Variants in SLC25A17 observed in about 807,000 individuals in gnomAD.
SLC25A17 encodes the protein peroxisomal membrane protein PMP34.
Under a neutral mutation model 38.5 loss-of-function variants are expected in SLC25A17, and 26 were observed. The ratio of observed to expected loss-of-function variants is 0.68; its 90% CI spans 0.50 to 0.94. The LOEUF (loss-of-function observed/expected upper bound fraction) is 0.94. SLC25A17 is among the 40% of genes least tolerant of loss of function. The pLI, the probability that SLC25A17 is intolerant of heterozygous loss-of-function variation, is 0.00. For synonymous variants in SLC25A17, 139 were observed against 136.2 expected, an observed-to-expected ratio of 1.02 and a Z score of -0.14; for missense variants, 333 against 372.7, an observed-to-expected ratio of 0.89 and a Z score of 0.88.
chr22:40,816,082 G>A (rs1161602080), intron 1 of SLC25A17, among the ~76,000 whole-genome samples: 7 of 151,894 alleles, frequency 4.6e-5, no homozygotes, highest in Admixed American at 1.3e-4. Context: ...GCCACTCGGC[G>A]AGAGGCTGAG....
At chr22:40,798,946 A>T in intron 2 of SLC25A17, 77 bp downstream of exon 2, 1 of 912,414 alleles carries the variant, frequency 1.1e-6, no homozygotes, top group Non-Finnish European at 1.6e-6. Flanking sequence ...TCCGTCTCAA[A>T]AAAAAAAAAA....
intron 1 of SLC25A17, among the ~76,000 whole-genome samples, chr22:40,799,963 T>C (rs1008576058): frequency 2.0e-5 from 3 of 152,218 alleles, no homozygotes; most frequent in African/African-American, 7.2e-5. Context: ...TCTGCTATCA[T>C]GAGCACTCCC....
intron 4 of SLC25A17, among the ~76,000 whole-genome samples, chr22:40,791,707 C>G (rs2145674214): frequency 6.6e-6 from 1 of 152,164 alleles, no homozygotes; most frequent in South Asian, 2.1e-4. Flanking sequence ...CACCTCATAC[C>G]CATTAGGATG....
intron 1 of SLC25A17, among the ~76,000 whole-genome samples, chr22:40,802,381 A>C (rs1180557866): frequency 2.0e-5 from 3 of 152,078 alleles, no homozygotes; most frequent in African/African-American, 7.2e-5. Flanking sequence ...ACGTTGGCTC[A>C]AGCCTGTAAT....
At chr22:40,793,576 G>T (rs1035254728) in intron 3 of SLC25A17, among the ~76,000 whole-genome samples, 2 of 152,042 alleles carry the variant, frequency 1.3e-5, no homozygotes, top group African/African-American at 2.4e-5. Context: ...GGAATCATGA[G>T]GAAATGTGAG....
chr22:40,803,746 C>G (rs2057504057), intron 1 of SLC25A17, among the ~76,000 whole-genome samples: 1 of 151,400 alleles, frequency 6.6e-6, no homozygotes, highest in South Asian at 2.1e-4. Context: ...AATGGCTGTA[C>G]CAATTTACAT....
intron 1 of SLC25A17, among the ~76,000 whole-genome samples, chr22:40,814,330 A>G: frequency 6.6e-6 from 1 of 152,142 alleles, no homozygotes; most frequent in Non-Finnish European, 1.5e-5. Context: ...AGACCAACAC[A>G]CTGCCATGAT....
rs549595530 is a variant in SLC25A17 at position 40,819,143 on chromosome 22, C to G, written c.54+52G>C. 7.5e-6 allele frequency: 12 copies of G among 1,599,322 alleles called. No homozygotes were observed. In the African/African-American group the frequency reaches 8.0e-5, roughly 11 times the overall value. On this transcript the variant is annotated intron_variant, in intron 1 of 8. Coordinates refer to ENST00000435456, the MANE Select transcript of SLC25A17 (RefSeq NM_006358.4). ...CCTCAGGCATATCCCGGGACTGGCC[C>G]CCGAGAAGCCTTATAACCCGTTGCG...
intron 1 of SLC25A17, among the ~76,000 whole-genome samples, chr22:40,811,337 C>A (rs1041943320): frequency 6.6e-6 from 1 of 151,634 alleles, no homozygotes; most frequent in African/African-American, 2.4e-5. Context: ...GTGATCTACC[C>A]GTCTCAGACT....
intron 4 of SLC25A17, among the ~76,000 whole-genome samples, chr22:40,787,267 T>C (rs891336869): frequency 2.0e-5 from 3 of 152,200 alleles, no homozygotes; most frequent in African/African-American, 4.8e-5. Flanking sequence ...ATGGGGTTAC[T>C]ACATGGCTTG....
At chr22:40,794,638 G>A in intron 2 of SLC25A17, 58 bp from the exon 3 acceptor site, 4 of 1,005,186 alleles carry the variant, frequency 4.0e-6, no homozygotes, top group South Asian at 3.1e-5. Flanking sequence ...TTTTTTTTTT[G>A]AGACAGAGTC....
chr22:40,779,253 A>C, intron 4 of SLC25A17, 128 bp from the exon 5 acceptor site: 1 of 1,538,046 alleles, frequency 6.5e-7, no homozygotes, highest in Non-Finnish European at 8.7e-7. Flanking sequence ...ACCTAAGGTA[A>C]GGTGTCTCTT....
chr22:40,774,081 C>T, intron 7 of SLC25A17, 62 bp from the exon 8 acceptor site: 1 of 981,870 alleles, frequency 1.0e-6, no homozygotes, highest in Non-Finnish European at 1.6e-6. Flanking sequence ...TTCATTTTTA[C>T]CTGGGGAGGA....
At chr22:40,790,656 T>C (rs1303171864) in intron 4 of SLC25A17, among the ~76,000 whole-genome samples, 1 of 152,154 alleles carries the variant, frequency 6.6e-6, no homozygotes, top group African/African-American at 2.4e-5. Flanking sequence ...AGGGGTGGTA[T>C]ATATCTGGTG....
intron 3 of SLC25A17, among the ~76,000 whole-genome samples, chr22:40,793,812 A>G (rs1302378685): frequency 1.3e-5 from 2 of 152,120 alleles, no homozygotes; most frequent in East Asian, 3.9e-4. Context: ...GGGTTTCTCC[A>G]TGTTGGTCAG....
intron 4 of SLC25A17, among the ~76,000 whole-genome samples, chr22:40,784,784 C>CAAAAAAAAAAAAACAAAAAAAAAAA (rs2057322989): frequency 1.0e-5 from 1 of 96,374 alleles, no homozygotes; most frequent in Non-Finnish European, 1.9e-5. Context: ...TCAACAACAA[C>CAAAAAAAAAAAAACAAAAAAAAAAA]AAAAAAAAAA....
chr22:40,803,816 TTTTG>T (rs1272827680), intron 1 of SLC25A17, among the ~76,000 whole-genome samples: 2 of 151,410 alleles, frequency 1.3e-5, no homozygotes, highest in African/African-American at 2.4e-5. Flanking sequence ...ATTTGCTAGT[TTTTG>T]TTTTTTTTTT....
chr22:40,793,681 C>T (rs572170853), intron 3 of SLC25A17, among the ~76,000 whole-genome samples: 5 of 152,062 alleles, frequency 3.3e-5, no homozygotes, highest in East Asian at 1.9e-4. Context: ...GGCGCGATCT[C>T]GGCTCACCGC....
chr22:40,792,203 G>A (rs1474460101), intron 4 of SLC25A17, among the ~76,000 whole-genome samples: 2 of 151,362 alleles, frequency 1.3e-5, no homozygotes, highest in Admixed American at 6.6e-5. Context: ...CTTAGAAACC[G>A]AAAGTAGAAT....
Sources: allele counts gnomAD v4.1 joint callset (sites outside exome capture counted in the v4.1 genomes callset), GRCh38; gene constraint gnomAD v4.1.1; transcripts MANE v1.5; gene names NCBI Gene and HGNC (gene_info 2026-07-23, HGNC 2026-07-21).